AGL: variants seen among roughly 807,000 people sequenced by gnomAD.
The protein encoded by AGL is amylo-alpha-1,6-glucosidase and 4-alpha-glucanotransferase, also known as glycogen debranching enzyme.
In AGL, 128 loss-of-function variants were observed where a neutral mutation model predicts 199.3. The ratio of observed to expected loss-of-function variants is 0.64; its 90% CI spans 0.56 to 0.74. AGL has a LOEUF of 0.74. AGL is among the 30% of genes least tolerant of loss of function. The pLI is 0.00. For missense variants in AGL, 1,809 were observed against 1,820.8 expected (o/e 0.99, Z 0.12); for synonymous variants, 584 against 594.7 (o/e 0.98, Z 0.26).
At position 99,900,292 on chromosome 1, in the gene AGL, T is replaced by C. The variant is rs17121583; in HGVS notation, c.3363-344T>C. Among the ~76,000 whole-genome samples, 3,166 of 152,332 alleles carry C rather than the reference T, an allele frequency of 0.021. 49 individuals carry two copies. Among genetic ancestry groups the C allele is most frequent in the South Asian group, 0.067 (323 of 4,820 alleles). On this transcript the variant is annotated intron_variant, in intron 25 of 33. Coordinates refer to ENST00000361915, the MANE Select transcript of AGL (RefSeq NM_000642.3). ...CTGCTATTTAAAATAATTAAGTTCT[T>C]GTTTAATAGTTACTTCGATTTTGAA...
chr1:99,920,726 A>G (rs1655458476), intron 33 of AGL, among the ~76,000 whole-genome samples: 1 of 152,224 alleles, frequency 6.6e-6, no homozygotes, highest in African/African-American at 2.4e-5. Flanking sequence ...TATGTAATAT[A>G]GCCCTGAGAT....
chr1:99,876,049 A>C (rs1452681720), intron 10 of AGL, among the ~76,000 whole-genome samples: 1 of 152,122 alleles, frequency 6.6e-6, no homozygotes, highest in African/African-American at 2.4e-5. Flanking sequence ...TAATTTTTGT[A>C]GTTTTAGTAG....
At chr1:99,865,046 C>G (rs777296552) in intron 5 of AGL, among the ~76,000 whole-genome samples, 6 of 152,194 alleles carry the variant, frequency 3.9e-5, no homozygotes, top group Admixed American at 6.5e-5. Flanking sequence ...CCATCCTGCT[C>G]TATCCCACCT....
intron 7 of AGL, among the ~76,000 whole-genome samples, chr1:99,871,088 C>T (rs770270060): frequency 3.9e-5 from 6 of 152,140 alleles, no homozygotes; most frequent in African/African-American, 7.2e-5. Context: ...CCCCTGGGTA[C>T]TGTATCTTAC....
At chr1:99,894,826 C>G (rs1033453209) in intron 24 of AGL, among the ~76,000 whole-genome samples, 1 of 152,060 alleles carries the variant, frequency 6.6e-6, no homozygotes, top group Non-Finnish European at 1.5e-5. Flanking sequence ...TATACAGTTA[C>G]AATTTTCAAT....
At position 99,891,650 on chromosome 1, in the gene AGL, C is replaced by T; in HGVS notation, c.2994C>T (p.Ile998=). The T allele has an allele frequency of 6.2e-7, 1 of 1,613,578 alleles. No individual in the cohort carries two copies. Among genetic ancestry groups the T allele is most frequent in the Non-Finnish European group, 8.5e-7 (1 of 1,179,636 alleles). ...CTATGTTCTTCTACCTGAAGCAGAT[C>T]CCACGTTACCTTATCCCATGTTACT... The part of the protein sequence containing the change: ...LQAMFFYLKQ[I]PRYLIPCYFD... Residue 998 remains isoleucine (I), a synonymous_variant, in exon 23 of 34, where the codon ATC becomes ATT. Transcript: ENST00000361915.
At chr1:99,882,005 G>A (rs1456301165) in intron 17 of AGL, among the ~76,000 whole-genome samples, 1 of 151,970 alleles carries the variant, frequency 6.6e-6, no homozygotes, top group East Asian at 1.9e-4. Context: ...TGGGCATGGT[G>A]GCACATGCCT....
rs1570443640 is a variant in AGL at position 99,880,738 on chromosome 1, A to G, written c.1842A>G (p.Pro614=). Residue 614 remains proline (P), a synonymous_variant, in exon 14 of 34, where the codon CCA becomes CCG. Coordinates refer to ENST00000361915, the MANE Select transcript of AGL (RefSeq NM_000642.3). Reference sequence around the variant, plus strand: ...AGCCCTGTTTGAGGCCTTTAATGCCAGCTATTGCACATGCCCTGTTTATGG... The same window carrying G: ...AGCCCTGTTTGAGGCCTTTAATGCCGGCTATTGCACATGCCCTGTTTATGG... ...FVQPCLRPLM[P]AIAHALFMDI... The G allele has an allele frequency of 5.6e-6, 9 of 1,613,968 alleles. No individual in the cohort carries two copies. In the Admixed American group the frequency reaches 1.0e-4, roughly 18 times the overall value.
chr1:99,883,068 T>C (rs1652180282), intron 17 of AGL, among the ~76,000 whole-genome samples: 1 of 152,194 alleles, frequency 6.6e-6, no homozygotes, highest in Non-Finnish European at 1.5e-5. Context: ...CGCAAAATTG[T>C]GATTTTTATT....
At chr1:99,881,788 T>TATAC in intron 17 of AGL, 97 bp downstream of exon 17, 4 of 1,163,330 alleles carry the variant, frequency 3.4e-6, no homozygotes, top group Non-Finnish European at 3.6e-6. Flanking sequence ...ATATCATATA[T>TATAC]ATTATAACAC....
chr1:99,849,299 A>C (rs777215461), upstream of AGL, among the ~76,000 whole-genome samples: 1 of 152,068 alleles, frequency 6.6e-6, no homozygotes, highest in Non-Finnish European at 1.5e-5. Context: ...TCATTCCACA[A>C]TAAAGAATGC....
At chr1:99,901,382 TAAAAAA>T (rs58305886) in intron 26 of AGL, among the ~76,000 whole-genome samples, 3 of 107,758 alleles carry the variant, frequency 2.8e-5, no homozygotes, top group Admixed American at 1.0e-4. Flanking sequence ...TCAGTCTCTT[TAAAAAA>T]AAAAAAAAAA....
intron 2 of AGL, among the ~76,000 whole-genome samples, chr1:99,851,448 G>C (rs568267804): frequency 1.3e-5 from 2 of 152,040 alleles, no homozygotes; most frequent in Non-Finnish European, 2.9e-5. Context: ...ATTAAAACTT[G>C]GTAAATTACT....
At chr1:99,892,739 A>G (rs1406447456) in intron 24 of AGL, 132 bp downstream of exon 24, 2 of 857,608 alleles carry the variant, frequency 2.3e-6, no homozygotes, top group Admixed American at 2.2e-5. Context: ...AGTACATTTC[A>G]TAGATATTCA....
Position 99,881,182 on chromosome 1 carries a change from G to C in AGL, c.2001+5G>C. The C allele has an allele frequency of 6.2e-7, 1 of 1,613,378 alleles. No homozygotes were observed. Among genetic ancestry groups the C allele is most frequent in the South Asian group, 1.1e-5 (1 of 91,066 alleles). On this transcript the variant is annotated splice_donor_5th_base_variant and intron_variant, in intron 15 of 33. Coordinates refer to ENST00000361915, the MANE Select transcript of AGL (RefSeq NM_000642.3). ...GATGAATTAGTGCCTCATCAGGTTT[G>C]TTTATATGTTGTTTCTTAAAACCTA...
At chr1:99,863,967 T>C (rs1294649430) in intron 4 of AGL, among the ~76,000 whole-genome samples, 1 of 152,116 alleles carries the variant, frequency 6.6e-6, no homozygotes, top group Non-Finnish European at 1.5e-5. Context: ...TGCTTTTAAG[T>C]TGGATAATAC....
In AGL at chr1:99,915,455, G is replaced by A. The variant is rs1158975350; in HGVS notation, c.4228G>A (p.Gly1410Ser). The A allele has an allele frequency of 6.2e-7, 1 of 1,613,224 alleles. No individual in the cohort carries two copies. Among genetic ancestry groups the A allele is most frequent in the African/African-American group, 1.3e-5 (1 of 74,774 alleles). The change falls in exon 31 of 34, where the codon GGT (glycine) becomes AGT (serine). Residue 1410 changes from glycine to serine, a missense_variant. Transcript: ENST00000361915. ...GGAGATTGCAGAAAAAAAATTGCTTGGTCCCCTTGGCATGAAAACTTTAGA... is the reference window on the plus strand; with the variant it reads ...GGAGATTGCAGAAAAAAAATTGCTTAGTCCCCTTGGCATGAAAACTTTAGA... ...ALEIAEKKLL[G>S]PLGMKTLDPD...
At chr1:99,856,921 C>T (rs376969625) in intron 2 of AGL, among the ~76,000 whole-genome samples, 19 of 152,220 alleles carry the variant, frequency 1.2e-4, no homozygotes, top group Admixed American at 7.2e-4. Flanking sequence ...AAACCGCCGT[C>T]GTCATCATGG....
intron 5 of AGL, among the ~76,000 whole-genome samples, chr1:99,868,128 T>A (rs1650689493): frequency 6.6e-6 from 1 of 152,232 alleles, no homozygotes; most frequent in African/African-American, 2.4e-5. Context: ...TTTCTTACTG[T>A]ATCACTCCAG....
Sources: gnomAD v4.1 joint callset for allele counts (sites outside exome capture counted in the v4.1 genomes callset) on GRCh38, gnomAD v4.1.1 for gene constraint, MANE v1.5 for transcripts, NCBI Gene and HGNC (gene_info 2026-07-23, HGNC 2026-07-21) for gene names.